PRDM6: variants seen among roughly 807,000 people sequenced by gnomAD.
The protein encoded by PRDM6 is PR/SET domain 6, also known as putative histone-lysine N-methyltransferase PRDM6.
Under a neutral mutation model 60.8 loss-of-function variants are expected in PRDM6, and 25 were observed. That is an observed-to-expected ratio of 0.41 (90% CI 0.30 to 0.57). The LOEUF (loss-of-function observed/expected upper bound fraction) is 0.57. Among genes scored for constraint, PRDM6 ranks in the 20% least tolerant of loss-of-function variants. The probability of loss-of-function intolerance (pLI) is 0.27; values close to 1 mark genes in which losing one functional copy is unlikely to be tolerated. For synonymous variants in PRDM6, 407 were observed against 357.4 expected (o/e 1.14, Z -1.57); for missense variants, 839 against 821.3 (o/e 1.02, Z -0.26).
chr5:123,138,702 A>C (rs937210725), intron 3 of PRDM6, among the ~76,000 whole-genome samples: 1 of 152,214 alleles, frequency 6.6e-6, no homozygotes, highest in African/African-American at 2.4e-5. Flanking sequence ...AATTTTCAAT[A>C]TTTGGACACA....
intron 3 of PRDM6, among the ~76,000 whole-genome samples, chr5:123,141,902 C>A (rs1197297727): frequency 6.6e-6 from 1 of 152,148 alleles, no homozygotes; most frequent in Non-Finnish European, 1.5e-5. Context: ...TTTGCTGAAT[C>A]TCAGATTCAG....
At chr5:123,169,810 T>C (rs1403177597) in intron 5 of PRDM6, among the ~76,000 whole-genome samples, 2 of 152,210 alleles carry the variant, frequency 1.3e-5, no homozygotes, top group African/African-American at 2.4e-5. Context: ...ATTTTATAGA[T>C]GGAATAACTG....
Position 123,099,590 on chromosome 5 carries a change from A to G in PRDM6, c.593-64A>G. 4.3e-6 allele frequency: 6 copies of G among 1,383,292 alleles called. No homozygotes were observed. The highest frequency in any genetic ancestry group is 3.1e-5 in the Admixed American group (1 of 32,056). The allele number at this position is 1,383,292 out of a possible 1,614,324, so 85.7% of individuals were successfully genotyped here. The stretch of plus-strand genomic sequence containing the variant: ...TGTTGTCTCGGGAGTTTACTCAAAG[A>G]TGGGCCGCTCGGGGCGGCCGGATTA... On this transcript the variant is annotated intron_variant, in intron 2 of 7. Coordinates refer to ENST00000407847, the MANE Select transcript of PRDM6 (RefSeq NM_001136239.4). The surrounding 1 kb of genome is among the most constrained non-coding windows in gnomAD (Gnocchi z 4.0).
At chr5:123,119,090 A>G (rs1447976009) in intron 3 of PRDM6, among the ~76,000 whole-genome samples, 1 of 152,178 alleles carries the variant, frequency 6.6e-6, no homozygotes, top group Non-Finnish European at 1.5e-5. Flanking sequence ...TTCATATGAT[A>G]GTAGCAGAAA....
chr5:123,176,228 A>G (rs553967955), intron 6 of PRDM6, among the ~76,000 whole-genome samples: 1 of 151,328 alleles, frequency 6.6e-6, no homozygotes, highest in Admixed American at 6.6e-5. Context: ...CAGATACAGA[A>G]CAGCTCCGTC....
At chr5:123,165,480 T>C (rs1036435251) in intron 5 of PRDM6, among the ~76,000 whole-genome samples, 1 of 152,254 alleles carries the variant, frequency 6.6e-6, no homozygotes, top group Non-Finnish European at 1.5e-5. Flanking sequence ...GCAGTAGCCT[T>C]CTGCATGACT....
rs1258285471 is a variant in PRDM6, at chr5:123,089,487, C to G, written c.-48C>G. The G allele has an allele frequency of 5.1e-5, 8 of 158,396 alleles. No individual in the cohort carries two copies. In the Admixed American group the frequency reaches 5.2e-4, roughly 10 times the overall value. 9.8% of individuals were successfully genotyped at this position (158,396 alleles called of 1,614,324 possible). A position where few individuals can be genotyped will look rare whatever the true frequency, so the allele number is the denominator to read the frequency against. On this transcript the variant is annotated 5_prime_UTR_variant, in exon 1 of 8. Transcript: ENST00000407847. ...GCACCCGCACGCTCACCGAGACACC[C>G]GCACGCACCCACCGGCAGCACCGAG...
intron 3 of PRDM6, among the ~76,000 whole-genome samples, chr5:123,124,912 T>G (rs1017785908): frequency 6.6e-6 from 1 of 152,102 alleles, no homozygotes; most frequent in Admixed American, 6.5e-5. Context: ...AAAAAAAAAG[T>G]AAAACAAAGT....
At chr5:123,156,099 A>G (rs1008838393) in intron 4 of PRDM6, 88 bp downstream of exon 4, 3 of 1,343,690 alleles carry the variant, frequency 2.2e-6, no homozygotes, top group African/African-American at 3.0e-5. Context: ...TGGGTAAAAA[A>G]AATCCTGCAG....
intron 3 of PRDM6, among the ~76,000 whole-genome samples, chr5:123,135,700 G>T (rs1166139467): frequency 6.6e-6 from 1 of 151,952 alleles, no homozygotes; most frequent in East Asian, 1.9e-4. Context: ...AATGATTTAA[G>T]AATTAAAGTT....
chr5:123,121,343 T>C (rs1232915178), intron 3 of PRDM6, among the ~76,000 whole-genome samples: 1 of 152,182 alleles, frequency 6.6e-6, no homozygotes, highest in Non-Finnish European at 1.5e-5. Flanking sequence ...GCTCCAACTT[T>C]TCTTTTTTTG....
intron 4 of PRDM6, among the ~76,000 whole-genome samples, chr5:123,158,332 A>T (rs936785387): frequency 3.3e-5 from 5 of 152,166 alleles, no homozygotes; most frequent in African/African-American, 1.2e-4. Context: ...CAGTGGAAAG[A>T]ATTAATAAAA....
intron 3 of PRDM6, among the ~76,000 whole-genome samples, chr5:123,143,538 C>T (rs564064552): frequency 2.6e-4 from 40 of 152,218 alleles, no homozygotes; most frequent in Admixed American, 2.0e-3. Context: ...TTCAAGTTGA[C>T]GGGATCTCTT....
At chr5:123,160,047 TAAG>T (rs1765592190) in intron 5 of PRDM6, among the ~76,000 whole-genome samples, 1 of 152,214 alleles carries the variant, frequency 6.6e-6, no homozygotes, top group Non-Finnish European at 1.5e-5. Context: ...AATGAAGTAA[TAAG>T]AAAGCAATGA....
intron 7 of PRDM6, among the ~76,000 whole-genome samples, chr5:123,184,944 C>T (rs1766250140): frequency 6.6e-6 from 1 of 152,132 alleles, no homozygotes; most frequent in Non-Finnish European, 1.5e-5. Flanking sequence ...TTTTTACTCA[C>T]ACTTGGTGTG....
Position 123,161,163 on chromosome 5 carries a change from T to C in PRDM6, c.1153+1525T>C, listed in dbSNP as rs942510804. Among the ~76,000 whole-genome samples the C allele has an allele frequency of 2.0e-5, 3 of 152,236 alleles. No individual in the cohort carries two copies. In the East Asian group the frequency reaches 5.8e-4, roughly 29 times the overall value. On this transcript the variant is annotated intron_variant, in intron 5 of 7. Coordinates refer to ENST00000407847, the MANE Select transcript of PRDM6 (RefSeq NM_001136239.4). ...TTTTACTACAACCTGCTACAGACTCTGAAGCTGTTGTTGTGGTGTGTGTGT... is the reference window on the plus strand; with the variant it reads ...TTTTACTACAACCTGCTACAGACTCCGAAGCTGTTGTTGTGGTGTGTGTGT...
At chr5:123,109,787 A>C (rs1409257207) in intron 3 of PRDM6, among the ~76,000 whole-genome samples, 2 of 152,234 alleles carry the variant, frequency 1.3e-5, no homozygotes, top group Non-Finnish European at 2.9e-5. Context: ...TCCTCACAAC[A>C]AAGAACCAAC....
chr5:123,090,130 G>GCGC lies in PRDM6; in HGVS notation c.120_122dup (p.Ala41dup). The GCGC allele has an allele frequency of 1.9e-6, 3 of 1,538,660 alleles. No individual in the cohort carries two copies. Among genetic ancestry groups the GCGC allele is most frequent in the Non-Finnish European group, 2.6e-6 (3 of 1,142,302 alleles). ...GGCGCAGGCCCGCTCAAGGGCAGCG[G>GCGC]CGCCGCGGGTCTCCTGAGCGCGCCG... is the stretch of plus-strand genomic sequence containing the variant. On this transcript the variant is annotated inframe_insertion, in exon 2 of 8. Transcript: ENST00000407847.
chr5:123,174,064 T>C (rs2126886170), intron 6 of PRDM6, among the ~76,000 whole-genome samples: 1 of 152,340 alleles, frequency 6.6e-6, no homozygotes, highest in African/African-American at 2.4e-5. Flanking sequence ...TCCAAAATTC[T>C]TGGGACCAGA....
Sources: gnomAD v4.1 joint callset for allele counts (sites outside exome capture counted in the v4.1 genomes callset) on GRCh38, gnomAD v4.1.1 for gene constraint, Gnocchi (gnomAD v3.1) non-coding constraint, MANE v1.5 for transcripts, NCBI Gene and HGNC (gene_info 2026-07-23, HGNC 2026-07-21) for gene names.